The following MTNAP1 variants were observed in gnomAD, a reference collection of about 807,000 sequenced individuals.
MTNAP1 encodes the protein mitochondrial nucleoid-associated protein 1.
chr17:73,232,989 C>CG, the MTNAP1 span: 3 of 152,252 alleles, frequency 2.0e-5, no homozygotes, highest in East Asian at 3.9e-4. Context: ...AGGAAGGGTG[C>CG]GGGGAGGTGG....
At chr17:73,242,443 G>A in the MTNAP1 span, 12 of 812,180 alleles carry the variant, frequency 1.5e-5, no homozygotes, top group Non-Finnish European at 2.3e-5. Context: ...CTAAAGAGGA[G>A]AGGAAAAAAA....
the MTNAP1 span, among the ~76,000 whole-genome samples, chr17:73,244,130 A>G: frequency 6.6e-6 from 1 of 152,240 alleles, no homozygotes; most frequent in African/African-American, 2.4e-5. Context: ...AATTTCATTT[A>G]TCTTAATTCA....
At chr17:73,237,021 A>G in the MTNAP1 span, 5 of 1,512,474 alleles carry the variant, frequency 3.3e-6, no homozygotes, top group Middle Eastern at 1.8e-4. Flanking sequence ...TTCAATTGCC[A>G]TCTGTCCCAT....
At chr17:73,238,946 T>G in the MTNAP1 span, among the ~76,000 whole-genome samples, 2 of 146,084 alleles carry the variant, frequency 1.4e-5, no homozygotes, top group African/African-American at 5.1e-5. Flanking sequence ...TTTTGTTTTT[T>G]TGTTTGTTTG....
the MTNAP1 span, chr17:73,237,076 C>G: frequency 1.5e-6 from 2 of 1,306,910 alleles, no homozygotes; most frequent in Admixed American, 2.7e-5. Context: ...GGTCAAAATA[C>G]TAACATTTTC....
the MTNAP1 span, among the ~76,000 whole-genome samples, chr17:73,233,685 G>A: frequency 1.3e-5 from 2 of 152,204 alleles, no homozygotes; most frequent in African/African-American, 2.4e-5. Flanking sequence ...CCAACATGGT[G>A]AAACCCCGTC....
At chr17:73,235,926 T>C in the MTNAP1 span, 1 of 1,614,200 alleles carries the variant, frequency 6.2e-7, no homozygotes, top group Non-Finnish European at 8.5e-7. Flanking sequence ...AAACCTCTCC[T>C]AAAAGAGAAC....
chr17:73,247,256 C>G, the MTNAP1 span: 2 of 1,614,126 alleles, frequency 1.2e-6, no homozygotes, highest in Non-Finnish European at 1.7e-6. Flanking sequence ...TTGTGCCGAC[C>G]CCTGCCCTGG....
At chr17:73,235,692 A>G in the MTNAP1 span, 2 of 1,614,142 alleles carry the variant, frequency 1.2e-6, no homozygotes, top group African/African-American at 2.7e-5. Flanking sequence ...GGAAAGAGTT[A>G]GAGACAGAGA....
At chr17:73,236,504 T>C in the MTNAP1 span, 3 of 1,614,214 alleles carry the variant, frequency 1.9e-6, no homozygotes, top group Non-Finnish European at 2.5e-6. Flanking sequence ...AGGGATTCAG[T>C]CACAGGAAAG....
At chr17:73,233,199 G>A in the MTNAP1 span, 2 of 152,232 alleles carry the variant, frequency 1.3e-5, no homozygotes, top group African/African-American at 4.8e-5. Flanking sequence ...CAAGTCACCT[G>A]TCTGATCGTG....
At chr17:73,241,560 A>T in the MTNAP1 span, among the ~76,000 whole-genome samples, 1 of 152,246 alleles carries the variant, frequency 6.6e-6, no homozygotes, top group Non-Finnish European at 1.5e-5. Flanking sequence ...TAGAACAGGC[A>T]TGTTGACTGT....
the MTNAP1 span, chr17:73,236,087 G>C: frequency 1.9e-6 from 3 of 1,614,080 alleles, no homozygotes; most frequent in African/African-American, 4.0e-5. Flanking sequence ...ACTACCTCTG[G>C]TGATCTCAAA....
the MTNAP1 span, among the ~76,000 whole-genome samples, chr17:73,240,961 GT>G: frequency 6.6e-6 from 1 of 152,054 alleles, no homozygotes; most frequent in Non-Finnish European, 1.5e-5. Flanking sequence ...TCTTTTCATT[GT>G]TCTTTAATGA....
the MTNAP1 span, among the ~76,000 whole-genome samples, chr17:73,235,093 GC>G: frequency 1.4e-5 from 2 of 147,002 alleles, no homozygotes. Flanking sequence ...GTGGTGGCAT[GC>G]CCCTGTAGTC....
At chr17:73,245,578 A>G in the MTNAP1 span, 1 of 985,446 alleles carries the variant, frequency 1.0e-6, no homozygotes, top group Non-Finnish European at 1.2e-6. Context: ...ATACCAGACT[A>G]CTACCTATAT....
the MTNAP1 span, chr17:73,236,523 AG>A: frequency 6.2e-7 from 1 of 1,614,222 alleles, no homozygotes; most frequent in Non-Finnish European, 8.5e-7. Flanking sequence ...AGGAGTCTCA[AG>A]GGGAAAGACC....
At chr17:73,242,266 A>T in the MTNAP1 span, 3 of 1,598,324 alleles carry the variant, frequency 1.9e-6, no homozygotes, top group Non-Finnish European at 2.6e-6. Flanking sequence ...AACGAAGCTC[A>T]ACTCATATAA....
the MTNAP1 span, among the ~76,000 whole-genome samples, chr17:73,239,587 C>T: frequency 8.0e-5 from 12 of 149,104 alleles, no homozygotes; most frequent in African/African-American, 2.5e-4. Context: ...GGCACAATCA[C>T]GGCTCACTGC....
Sources: allele counts gnomAD v4.1 joint callset (sites outside exome capture counted in the v4.1 genomes callset), GRCh38; gene constraint gnomAD v4.1.1; transcripts MANE v1.5; gene names NCBI Gene and HGNC (gene_info 2026-07-23, HGNC 2026-07-21).